The following SORCS2 variants were observed in gnomAD, a reference collection of about 807,000 sequenced individuals.
The protein encoded by SORCS2 is sortilin related VPS10 domain containing receptor 2.
Under a neutral mutation model 141.6 loss-of-function variants are expected in SORCS2, and 100 were observed. The observed-to-expected ratio is 0.71, with a 90% confidence interval of 0.60 to 0.83. The LOEUF (loss-of-function observed/expected upper bound fraction) is 0.83, where lower values mean the gene tolerates loss of function less well. SORCS2 is among the 40% of genes least tolerant of loss of function. SORCS2 has a pLI of 0.00. For missense variants in SORCS2, 1,646 were observed against 1,560.2 expected (o/e 1.05, Z -0.93); for synonymous variants, 789 against 676.9 (o/e 1.17, Z -2.57).
At chr4:7,327,499 T>C (rs891192350) in intron 1 of SORCS2, among the ~76,000 whole-genome samples, 2 of 152,184 alleles carry the variant, frequency 1.3e-5, no homozygotes, top group African/African-American at 2.4e-5. Context: ...TAAGGTCACG[T>C]TTTGGGTCCT....
chr4:7,638,632 G>A (rs922007645), intron 4 of SORCS2, 140 bp downstream of exon 4: 31 of 859,588 alleles, frequency 3.6e-5, no homozygotes, highest in Middle Eastern at 3.2e-4. Flanking sequence ...GCTGGGGGCC[G>A]GGATGCTGGA....
chr4:7,598,620 C>A (rs888229263), intron 3 of SORCS2, among the ~76,000 whole-genome samples: 1 of 152,158 alleles, frequency 6.6e-6, no homozygotes, highest in Non-Finnish European at 1.5e-5. Context: ...GAAGAGGAGG[C>A]GGGTGGTGGC....
chr4:7,387,781 CAT>C (rs1289729882), intron 1 of SORCS2, among the ~76,000 whole-genome samples: 19 of 147,382 alleles, frequency 1.3e-4, no homozygotes, highest in African/African-American at 3.0e-4. Flanking sequence ...TGCACACACA[CAT>C]AGGTACATGC....
intron 3 of SORCS2, among the ~76,000 whole-genome samples, chr4:7,583,047 G>A (rs890022339): frequency 1.3e-5 from 2 of 152,146 alleles, no homozygotes; most frequent in African/African-American, 2.4e-5. Context: ...GCATTCCTTA[G>A]GACTTTGGCA....
rs761473121 is a variant in SORCS2 at position 7,718,131 on chromosome 4, CGGT to C, written c.2375_2377del (p.Val792del). 3 of 1,611,824 alleles carry C rather than the reference CGGT, an allele frequency of 1.9e-6. No individual in the cohort carries two copies. The highest frequency in any genetic ancestry group is 3.4e-4 in the Middle Eastern group (2 of 5,940). Reference sequence around the variant, plus strand: ...CTGCAGGTCAGCATTCAAGGCGAGGCGGTGGCCGTGCGGCCTGGAGAGGACGTC... The same window carrying C: ...CTGCAGGTCAGCATTCAAGGCGAGGCGGCCGTGCGGCCTGGAGAGGACGTC... On this transcript the variant is annotated inframe_deletion, in exon 18 of 27. Coordinates refer to ENST00000507866, the MANE Select transcript of SORCS2 (RefSeq NM_020777.3).
At chr4:7,495,067 G>A (rs954604019) in intron 2 of SORCS2, among the ~76,000 whole-genome samples, 10 of 152,358 alleles carry the variant, frequency 6.6e-5, no homozygotes, top group Admixed American at 2.0e-4. Flanking sequence ...AAGGCCCTGC[G>A]ACGTCGAAAT....
rs776273419 is a variant in SORCS2, at chr4:7,664,455, A to G, written c.1055A>G (p.Asp352Gly). ...CACGGGTCTCTGACCGTGCAGGACG[A>G]TTACATCTTCTTTAAGGTAAGGTTG... ...IDHGSLTVQD[D>G]YIFFKATSAN... Residue 352 changes from aspartate (D) to glycine (G), a missense_variant, in exon 7 of 27, where the codon GAT becomes GGT. By Grantham distance (94) the Asp-to-Gly change is moderately conservative. Coordinates refer to ENST00000507866, the MANE Select transcript of SORCS2 (RefSeq NM_020777.3). The surrounding 1 kb of genome is among the most constrained non-coding windows in gnomAD (Gnocchi z 4.7). 6.2e-7 allele frequency: 1 copy of G among 1,612,442 alleles called. No homozygotes were observed.
rs1300369511 is a variant in SORCS2, at chr4:7,726,870, G to A, written c.2836G>A (p.Val946Met). Reference protein sequence around the residue: ...VTVQAACGNSVLQDSRVLRVL... With the variant: ...VTVQAACGNSMLQDSRVLRVL... ...GGTGCAGGCCGCCTGTGGGAACTCG[G>A]TGCTGCAGGACTCCAGGGTCCTCCG... Residue 946 changes from valine (V) to methionine (M), a missense_variant, in exon 21 of 27, where the codon GTG (valine) becomes ATG (methionine). Physicochemically the swap from Val to Met is conservative, Grantham distance 21 (BLOSUM62 1). Coordinates refer to ENST00000507866, the MANE Select transcript of SORCS2 (RefSeq NM_020777.3). 6.2e-7 allele frequency: 1 copy of A among 1,613,778 alleles called. No homozygotes were observed. Among genetic ancestry groups the A allele is most frequent in the African/African-American group, 1.3e-5 (1 of 74,934 alleles).
chr4:7,485,985 C>T (rs1041248057), intron 2 of SORCS2, among the ~76,000 whole-genome samples: 2 of 152,204 alleles, frequency 1.3e-5, no homozygotes, highest in African/African-American at 2.4e-5. Flanking sequence ...TGCATCCTGG[C>T]ACCCTCACTG....
chr4:7,639,893 G>C (rs144747393), intron 4 of SORCS2, among the ~76,000 whole-genome samples: 1 of 148,798 alleles, frequency 6.7e-6, no homozygotes, highest in African/African-American at 2.5e-5. Context: ...GGGTGTGCAC[G>C]TGAAAGTGTG....
intron 1 of SORCS2, among the ~76,000 whole-genome samples, chr4:7,211,439 G>T (rs777762193): frequency 1.3e-5 from 2 of 152,118 alleles, no homozygotes; most frequent in Non-Finnish European, 2.9e-5. Context: ...GCCCAGGCTG[G>T]AGTGCAGTGG....
rs374594458 is a variant in SORCS2 at position 7,578,643 on chromosome 4, G to A, written c.648+47014G>A. 3.3e-4 allele frequency among the ~76,000 whole-genome samples: 51 copies of A among 152,344 alleles called. No homozygotes were observed. In the South Asian group the frequency reaches 0.01, roughly 31 times the overall value. On this transcript the variant is annotated intron_variant, in intron 3 of 26. Transcript: ENST00000507866. ...GCAAACAAAGCCGAGAATGAGTGTT[G>A]AGTGCCTGCGCAGCTGGGGCAGGCC...
In SORCS2 at chr4:7,285,722, G is replaced by A. The variant is rs530714617; in HGVS notation, c.480+92596G>A. 1.4e-4 allele frequency among the ~76,000 whole-genome samples: 22 copies of A among 152,350 alleles called. No individual in the cohort carries two copies. In the East Asian group the frequency reaches 2.1e-3, roughly 15 times the overall value. On this transcript the variant is annotated intron_variant, in intron 1 of 26. Transcript: ENST00000507866. ...TTCCTTCTCGCTGGAGGACCAGACC[G>A]CCAACAGAAGCTTCCGGAGCATGCT...
intron 17 of SORCS2, among the ~76,000 whole-genome samples, chr4:7,716,741 A>G (rs1011979881): frequency 2.0e-5 from 3 of 152,154 alleles, no homozygotes; most frequent in Non-Finnish European, 2.9e-5. Flanking sequence ...CCATGCACCT[A>G]TGTATCATGA....
At chr4:7,395,819 G>T (rs1436222296) in intron 1 of SORCS2, among the ~76,000 whole-genome samples, 2 of 152,196 alleles carry the variant, frequency 1.3e-5, no homozygotes, top group Non-Finnish European at 2.9e-5. Context: ...ACAGGGACCT[G>T]CTCTGGTCTT....
intron 17 of SORCS2, among the ~76,000 whole-genome samples, chr4:7,717,111 T>A (rs1383107675): frequency 1.3e-5 from 2 of 152,222 alleles, no homozygotes; most frequent in Non-Finnish European, 2.9e-5. Flanking sequence ...GCAAGCTGGA[T>A]GAGGCCACCC....
chr4:7,209,604 A>T (rs546387314), intron 1 of SORCS2, among the ~76,000 whole-genome samples: 1 of 151,464 alleles, frequency 6.6e-6, no homozygotes, highest in East Asian at 2.0e-4. Flanking sequence ...TCTCGACTGC[A>T]TGTTTGGAGC....
chr4:7,452,544 C>T (rs143762400), intron 2 of SORCS2, among the ~76,000 whole-genome samples: 65 of 152,294 alleles, frequency 4.3e-4, no homozygotes, highest in Middle Eastern at 6.8e-3. Flanking sequence ...TGCAGTTTTC[C>T]GGGAGCCCTG....
intron 2 of SORCS2, among the ~76,000 whole-genome samples, chr4:7,498,546 A>C (rs983892363): frequency 6.6e-6 from 1 of 152,230 alleles, no homozygotes; most frequent in Non-Finnish European, 1.5e-5. Context: ...GAAAGGGTGC[A>C]GAGAGCACGC....
Sources: gnomAD v4.1 joint callset for allele counts (sites outside exome capture counted in the v4.1 genomes callset) on GRCh38, gnomAD v4.1.1 for gene constraint, Gnocchi (gnomAD v3.1) non-coding constraint, MANE v1.5 for transcripts, NCBI Gene and HGNC (gene_info 2026-07-23, HGNC 2026-07-21) for gene names.